The following ZNF804B variants were observed in gnomAD, a reference collection of about 807,000 sequenced individuals.
The protein encoded by ZNF804B is zinc finger 804B.
Under a neutral mutation model 101.4 loss-of-function variants are expected in ZNF804B, and 80 were observed. The observed-to-expected ratio is 0.79, with a 90% CI of 0.66 to 0.95. The LOEUF (loss-of-function observed/expected upper bound fraction) is 0.95. Ranked by LOEUF, ZNF804B falls within the 40% of genes least tolerant of loss-of-function variation. The probability of loss-of-function intolerance (pLI) is 0.00; values close to 1 mark genes in which losing one functional copy is unlikely to be tolerated. For synonymous variants in ZNF804B, 622 were observed against 558.8 expected, an observed-to-expected ratio of 1.11 and a Z score of -1.59; for missense variants, 1,673 against 1,561.9, an observed-to-expected ratio of 1.07 and a Z score of -1.20.
intron 1 of ZNF804B, among the ~76,000 whole-genome samples, chr7:89,189,555 G>T (rs1788425187): frequency 6.6e-6 from 1 of 152,114 alleles, no homozygotes; most frequent in African/African-American, 2.4e-5. Flanking sequence ...ATCCTCATCG[G>T]TTTACAGAAA....
chr7:88,920,826 T>C (rs1312245512), intron 1 of ZNF804B, among the ~76,000 whole-genome samples: 1 of 152,048 alleles, frequency 6.6e-6, no homozygotes, highest in African/African-American at 2.4e-5. Context: ...TAATTAAAAA[T>C]AATTAAAATA....
chr7:89,183,033 C>T (rs1324937806), intron 1 of ZNF804B, among the ~76,000 whole-genome samples: 1 of 152,002 alleles, frequency 6.6e-6, no homozygotes, highest in Non-Finnish European at 1.5e-5. Context: ...GAATAAAATA[C>T]AATGGGGGCT....
At chr7:88,845,297 GCGCGCA>G in intron 1 of ZNF804B, among the ~76,000 whole-genome samples, 1 of 119,888 alleles carries the variant, frequency 8.3e-6, no homozygotes, top group African/African-American at 3.2e-5. Flanking sequence ...GCGCGCACGC[GCGCGCA>G]CACACACACA....
At chr7:89,295,247 C>T (rs776710912) in intron 2 of ZNF804B, among the ~76,000 whole-genome samples, 40 of 152,198 alleles carry the variant, frequency 2.6e-4, no homozygotes, top group East Asian at 3.9e-4. Flanking sequence ...GGTCTCAGTG[C>T]GTGCACCCTA....
At chr7:89,138,108 G>A (rs1790663502) in intron 1 of ZNF804B, among the ~76,000 whole-genome samples, 1 of 152,138 alleles carries the variant, frequency 6.6e-6, no homozygotes, top group Non-Finnish European at 1.5e-5. Flanking sequence ...AGGATGTATG[G>A]AAACACCTGG....
At chr7:88,859,189 G>A (rs985915704) in intron 1 of ZNF804B, among the ~76,000 whole-genome samples, 5 of 151,932 alleles carry the variant, frequency 3.3e-5, no homozygotes, top group Admixed American at 2.6e-4. Flanking sequence ...ATGGGTGTGC[G>A]TGCATGTGTG....
At chr7:88,818,159 A>G (rs1246783094) in intron 1 of ZNF804B, among the ~76,000 whole-genome samples, 1 of 152,204 alleles carries the variant, frequency 6.6e-6, no homozygotes. Flanking sequence ...AAAATCTATA[A>G]TAAATGAATA....
At chr7:88,991,358 T>C (rs777397316) in intron 1 of ZNF804B, among the ~76,000 whole-genome samples, 14 of 152,128 alleles carry the variant, frequency 9.2e-5, no homozygotes, top group Non-Finnish European at 1.8e-4. Context: ...GGTTCCTGTG[T>C]AGTACACAAC....
chr7:89,054,164 T>C (rs1189615005), intron 1 of ZNF804B, among the ~76,000 whole-genome samples: 1 of 151,886 alleles, frequency 6.6e-6, no homozygotes, highest in Non-Finnish European at 1.5e-5. Context: ...GTTAGCCTGG[T>C]TCTCTCCTGC....
Position 89,216,437 on chromosome 7 carries a change from G to GT in ZNF804B, c.109-1717dup, listed in dbSNP as rs1788898419. Among the ~76,000 whole-genome samples, 6 of 152,334 alleles carry GT rather than the reference G, an allele frequency of 3.9e-5. No individual in the cohort carries two copies. The South Asian group carries it at 1.2e-3, about 32-fold the overall frequency. On this transcript the variant is annotated intron_variant, in intron 1 of 3. Transcript: ENST00000333190. ...CCCGTCTCACTTCTCAATAGTGATT[G>GT]TATCAGCTGGCAATTTTCCTAGTTC...
At chr7:88,794,953 A>T in intron 1 of ZNF804B, 1 of 1,542,116 alleles carries the variant, frequency 6.5e-7, no homozygotes, top group Non-Finnish European at 8.7e-7. Flanking sequence ...GAGGAGTCTT[A>T]TTTATTTTTC....
chr7:88,879,254 T>C (rs1791996991), intron 1 of ZNF804B, among the ~76,000 whole-genome samples: 1 of 152,126 alleles, frequency 6.6e-6, no homozygotes, highest in Admixed American at 6.6e-5. Context: ...GCCTATAATA[T>C]GTTTTACCCA....
At chr7:88,912,726 C>T (rs192334199) in intron 1 of ZNF804B, among the ~76,000 whole-genome samples, 7 of 152,144 alleles carry the variant, frequency 4.6e-5, no homozygotes, top group East Asian at 3.9e-4. Context: ...CTTCTCAATA[C>T]GTTTGTAAGT....
chr7:89,017,563 T>C (rs1017233897), intron 1 of ZNF804B, among the ~76,000 whole-genome samples: 7 of 152,162 alleles, frequency 4.6e-5, no homozygotes, highest in Non-Finnish European at 8.8e-5. Context: ...AAGAATATCA[T>C]TGGTATTTTA....
chr7:89,203,776 C>T (rs1312653080), intron 1 of ZNF804B, among the ~76,000 whole-genome samples: 1 of 151,996 alleles, frequency 6.6e-6, no homozygotes, highest in Non-Finnish European at 1.5e-5. Context: ...GAGAGATGTC[C>T]TTGGTGTTTT....
intron 1 of ZNF804B, among the ~76,000 whole-genome samples, chr7:88,926,453 G>A (rs903799328): frequency 2.0e-5 from 3 of 148,302 alleles, no homozygotes; most frequent in African/African-American, 7.5e-5. Flanking sequence ...AAAATAGCCG[G>A]GCGTAGTGGT....
intron 1 of ZNF804B, among the ~76,000 whole-genome samples, chr7:88,854,466 T>TC (rs1562812754): frequency 1.3e-4 from 14 of 105,226 alleles, no homozygotes; most frequent in African/African-American, 4.5e-4. Flanking sequence ...TTTCTTTCTT[T>TC]CTTTCTTTCT....
Position 89,046,982 on chromosome 7 carries a change from C to T in ZNF804B, c.109-171173C>T, listed in dbSNP as rs569975424. ...ATAACTTAAATAACTTAAATTTTGA[C>T]GTTTGCTTGCAATCATCTATTTTCT... On this transcript the variant is annotated intron_variant, in intron 1 of 3. Coordinates refer to ENST00000333190, the MANE Select transcript of ZNF804B (RefSeq NM_181646.5). Among the ~76,000 whole-genome samples, 4 of 152,124 alleles carry T rather than the reference C, an allele frequency of 2.6e-5. No individual in the cohort carries two copies. In the South Asian group the frequency reaches 6.2e-4, roughly 24 times the overall value.
intron 1 of ZNF804B, among the ~76,000 whole-genome samples, chr7:89,017,034 C>G (rs1409588682): frequency 3.9e-5 from 6 of 152,106 alleles, no homozygotes; most frequent in Non-Finnish European, 8.8e-5. Flanking sequence ...TGTAGTTCTC[C>G]TTGAAGAGGT....
Sources: allele counts gnomAD v4.1 joint callset (sites outside exome capture counted in the v4.1 genomes callset), GRCh38; gene constraint gnomAD v4.1.1; transcripts MANE v1.5; gene names NCBI Gene and HGNC (gene_info 2026-07-23, HGNC 2026-07-21).